PPM1E: variants seen among roughly 807,000 people sequenced by gnomAD.
The protein encoded by PPM1E is protein phosphatase 1E.
A neutral mutation model predicts 65.9 loss-of-function variants in PPM1E; 20 were observed. The observed-to-expected ratio is 0.30, with a 90% confidence interval of 0.21 to 0.44. The LOEUF (loss-of-function observed/expected upper bound fraction) is 0.44. PPM1E is among the 20% of genes least tolerant of loss of function. The pLI is 1.00. For missense variants in PPM1E, 713 were observed against 953.1 expected (o/e 0.75, Z 3.32); for synonymous variants, 352 against 374.9 (o/e 0.94, Z 0.70).
intron 1 of PPM1E, among the ~76,000 whole-genome samples, chr17:58,782,809 G>A (rs982288812): frequency 6.6e-6 from 1 of 152,026 alleles, no homozygotes; most frequent in Non-Finnish European, 1.5e-5. Flanking sequence ...ATTAACAGAT[G>A]TGAGGAATAT....
chr17:58,972,760 T>C, intron 5 of PPM1E, 72 bp from the exon 6 acceptor site: 2 of 1,316,720 alleles, frequency 1.5e-6, no homozygotes, highest in Non-Finnish European at 2.2e-6. Context: ...TTATATCTGT[T>C]GTTTACTGTT....
At chr17:58,918,741 G>A (rs1163837194) in intron 1 of PPM1E, among the ~76,000 whole-genome samples, 1 of 134,882 alleles carries the variant, frequency 7.4e-6, no homozygotes. Context: ...TGGAGGCAGA[G>A]GTTGCAGTGA....
intron 1 of PPM1E, among the ~76,000 whole-genome samples, chr17:58,912,788 C>G (rs371765308): frequency 6.6e-6 from 1 of 152,096 alleles, no homozygotes; most frequent in South Asian, 2.1e-4. Flanking sequence ...TCCTTCAACC[C>G]CTACATCCAG....
chr17:58,838,383 C>A lies in PPM1E; in HGVS notation c.464+81922C>A, dbSNP rs192397041. 8.7e-4 allele frequency among the ~76,000 whole-genome samples: 132 copies of A among 152,244 alleles called. 2 individuals carry two copies. The highest frequency in any genetic ancestry group is 7.5e-3 in the Admixed American group (115 of 15,286). ...AAAGGGAGCAAAAGATCTGAACAGA[C>A]ACCTCAATAAAGAAAATGTAGAGAC... On this transcript the variant is annotated intron_variant, in intron 1 of 6. Transcript: ENST00000308249.
At chr17:58,942,972 A>C (rs2052094678) in intron 1 of PPM1E, among the ~76,000 whole-genome samples, 2 of 152,096 alleles carry the variant, frequency 1.3e-5, no homozygotes, top group African/African-American at 2.4e-5. Context: ...GCAGTGAGCT[A>C]TGATTGTGCC....
chr17:58,905,535 C>T (rs2143483969), intron 1 of PPM1E, among the ~76,000 whole-genome samples: 1 of 152,230 alleles, frequency 6.6e-6, no homozygotes, highest in African/African-American at 2.4e-5. Flanking sequence ...TCATCAGATG[C>T]ATCAATTTTG....
At chr17:58,953,666 T>C (rs184886888) in intron 1 of PPM1E, among the ~76,000 whole-genome samples, 37 of 152,322 alleles carry the variant, frequency 2.4e-4, no homozygotes, top group African/African-American at 7.9e-4. Flanking sequence ...ACTTCCAAAT[T>C]TCCTAACATC....
At chr17:58,872,358 G>A (rs547892948) in intron 1 of PPM1E, among the ~76,000 whole-genome samples, 22 of 152,212 alleles carry the variant, frequency 1.4e-4, no homozygotes, top group African/African-American at 5.3e-4. Context: ...CTACCAAGCT[G>A]GGAGGTTCAG....
At chr17:58,975,507 A>G (rs2143771574) in intron 6 of PPM1E, among the ~76,000 whole-genome samples, 1 of 152,338 alleles carries the variant, frequency 6.6e-6, no homozygotes, top group East Asian at 1.9e-4. Flanking sequence ...CTAAGAGTGG[A>G]TAAGGGAGAC....
intron 1 of PPM1E, among the ~76,000 whole-genome samples, chr17:58,871,782 A>G (rs560337053): frequency 4.3e-4 from 65 of 149,674 alleles, no homozygotes; most frequent in African/African-American, 1.6e-3. Flanking sequence ...TCGATACTGC[A>G]CTCCAGCCTG....
chr17:58,757,597 G>T (rs1054306858), intron 1 of PPM1E, among the ~76,000 whole-genome samples: 1 of 152,060 alleles, frequency 6.6e-6, no homozygotes, highest in African/African-American at 2.4e-5. Context: ...ACTCACTTTT[G>T]GGATTTTCTC....
chr17:58,910,363 C>T (rs928951005), intron 1 of PPM1E, among the ~76,000 whole-genome samples: 1 of 152,108 alleles, frequency 6.6e-6, no homozygotes, highest in African/African-American at 2.4e-5. Context: ...CTTTAGATTT[C>T]CACCTCTCTG....
intron 1 of PPM1E, among the ~76,000 whole-genome samples, chr17:58,837,110 C>T (rs959224069): frequency 4.6e-5 from 7 of 150,692 alleles, no homozygotes; most frequent in Middle Eastern, 3.5e-3. Context: ...GGTTTGTTGG[C>T]GCATGCCTGT....
Position 58,799,565 on chromosome 17 carries a change from C to T in PPM1E, c.464+43104C>T, listed in dbSNP as rs539542744. 6.6e-5 allele frequency among the ~76,000 whole-genome samples: 10 copies of T among 152,334 alleles called. 1 individual carries two copies. In the South Asian group the frequency reaches 2.1e-3, roughly 32 times the overall value. ...TCAAGCGATTCTTCTGCCTCAGCCT[C>T]CCAAGTAGCTGGGACTACAGGTGTG... On this transcript the variant is annotated intron_variant, in intron 1 of 6. Transcript: ENST00000308249.
At chr17:58,960,667 C>T (rs371826588) in intron 2 of PPM1E, among the ~76,000 whole-genome samples, 19 of 150,022 alleles carry the variant, frequency 1.3e-4, no homozygotes, top group African/African-American at 3.9e-4. Flanking sequence ...CCCAGCTACT[C>T]GGGAGGCTGA....
At chr17:58,862,785 A>G (rs1452269773) in intron 1 of PPM1E, among the ~76,000 whole-genome samples, 4 of 152,214 alleles carry the variant, frequency 2.6e-5, no homozygotes, top group African/African-American at 9.6e-5. Context: ...AATCATGTAC[A>G]TAAGTTCAGA....
At chr17:58,973,825 G>A (rs2030812737) in intron 6 of PPM1E, among the ~76,000 whole-genome samples, 1 of 151,924 alleles carries the variant, frequency 6.6e-6, no homozygotes, top group African/African-American at 2.4e-5. Context: ...TGTGGCACAC[G>A]TCTGTAGTCC....
At chr17:58,962,152 T>C (rs6503889) in intron 2 of PPM1E, among the ~76,000 whole-genome samples, 96,777 of 151,748 alleles carry the variant, frequency 0.64, 31,236 homozygotes, top group African/African-American at 0.71. Context: ...GGCATGGTGG[T>C]GCATACCTGT....
intron 1 of PPM1E, among the ~76,000 whole-genome samples, chr17:58,889,993 TAGTAAATAAA>T (rs1270272827): frequency 6.6e-6 from 1 of 152,234 alleles, no homozygotes; most frequent in Non-Finnish European, 1.5e-5. Flanking sequence ...GCATGTTAAT[TAGTAAATAAA>T]CACACAGTTG....
Sources: gnomAD v4.1 joint callset for allele counts (sites outside exome capture counted in the v4.1 genomes callset) on GRCh38, gnomAD v4.1.1 for gene constraint, MANE v1.5 for transcripts, NCBI Gene and HGNC (gene_info 2026-07-23, HGNC 2026-07-21) for gene names.